Variants in PITPNM2 observed in about 807,000 individuals in gnomAD.
The protein encoded by PITPNM2 is membrane-associated phosphatidylinositol transfer protein 2.
A neutral mutation model predicts 132.2 loss-of-function variants in PITPNM2; 35 were observed. The observed-to-expected ratio is 0.26, with a 90% CI of 0.20 to 0.35. PITPNM2 has a LOEUF of 0.35. Ranked by LOEUF, PITPNM2 falls within the 10% of genes least tolerant of loss-of-function variation. The pLI is 1.00. For missense variants in PITPNM2, 1,332 were observed against 1,912.0 expected (o/e 0.70, Z 5.66); for synonymous variants, 738 against 799.2 (o/e 0.92, Z 1.29).
chr12:123,127,085 C>T (rs2043154542), intron 1 of PITPNM2, among the ~76,000 whole-genome samples: 1 of 152,212 alleles, frequency 6.6e-6, no homozygotes, highest in Non-Finnish European at 1.5e-5. Context: ...TTCATCCCTC[C>T]TCAAGTCACA....
At chr12:123,012,485 G>T in intron 5 of PITPNM2, 128 bp downstream of exon 5, 1 of 1,285,042 alleles carries the variant, frequency 7.8e-7, no homozygotes, top group Non-Finnish European at 1.1e-6. Context: ...CTCCAACTCT[G>T]ACCTGCCTGC....
intron 1 of PITPNM2, among the ~76,000 whole-genome samples, chr12:123,119,791 C>CT (rs2042999702): frequency 7.2e-6 from 1 of 139,638 alleles, no homozygotes; most frequent in African/African-American, 3.1e-5. Flanking sequence ...TTTTTCTTTT[C>CT]TTTCTTTTTT....
chr12:123,023,601 C>T lies in PITPNM2; in HGVS notation c.79-9559G>A, dbSNP rs1489701873. Among the ~76,000 whole-genome samples the T allele has an allele frequency of 2.6e-5, 4 of 152,138 alleles. No individual in the cohort carries two copies. Among genetic ancestry groups the T allele is most frequent in the South Asian group, 2.1e-4 (1 of 4,816 alleles). On this transcript the variant is annotated intron_variant, in intron 3 of 25. Coordinates refer to ENST00000320201, the MANE Select transcript of PITPNM2 (RefSeq NM_020845.3). This position sits in a 1 kb window ranked among gnomAD's most constrained non-coding sequence, Gnocchi z 4.8. Reference sequence around the variant, plus strand: ...ACAAGTCCACAGACTCCCCAGAGGACGCCACCTTCTCACTGGCTGCTGCCA... The same window carrying T: ...ACAAGTCCACAGACTCCCCAGAGGATGCCACCTTCTCACTGGCTGCTGCCA...
At chr12:123,088,615 A>C (rs1163908808) in intron 2 of PITPNM2, 1 of 152,264 alleles carries the variant, frequency 6.6e-6, no homozygotes, top group Non-Finnish European at 1.5e-5. Context: ...AACAGAAATA[A>C]GTTAAAATGA....
chr12:123,033,007 A>C (rs941634972), intron 3 of PITPNM2, among the ~76,000 whole-genome samples: 4 of 152,206 alleles, frequency 2.6e-5, no homozygotes, highest in African/African-American at 9.6e-5. Flanking sequence ...CTCTGCTGCG[A>C]GCTCACAGCT....
intron 2 of PITPNM2, among the ~76,000 whole-genome samples, chr12:123,043,925 C>T (rs1379655216): frequency 6.6e-6 from 1 of 152,204 alleles, no homozygotes; most frequent in Non-Finnish European, 1.5e-5. Flanking sequence ...AACTCAGAGC[C>T]TCCAAGATGA....
rs977993226 is a variant in PITPNM2 at position 123,095,128 on chromosome 12, C to T, written c.-96+15257G>A. ...GCTGCTGGGGATCCAAGACTCTCCA[C>T]TCCACCATCCTTGCACAGCAGGCTG... On this transcript the variant is annotated intron_variant, in intron 2 of 25. Coordinates refer to ENST00000320201, the MANE Select transcript of PITPNM2 (RefSeq NM_020845.3). This position sits in a 1 kb window ranked among gnomAD's most constrained non-coding sequence, Gnocchi z 5.0. 1.3e-5 allele frequency among the ~76,000 whole-genome samples: 2 copies of T among 152,212 alleles called. No homozygotes were observed. The highest frequency in any genetic ancestry group is 1.3e-4 in the Admixed American group (2 of 15,282).
intron 10 of PITPNM2, among the ~76,000 whole-genome samples, chr12:122,999,063 A>G (rs1036598427): frequency 6.6e-6 from 1 of 151,652 alleles, no homozygotes; most frequent in African/African-American, 2.4e-5. Context: ...GTGAGCCAAG[A>G]TCGTGCCACT....
In PITPNM2 at chr12:123,031,123, G is replaced by T. The variant is rs530757405; in HGVS notation, c.78+3390C>A. 6.6e-6 allele frequency among the ~76,000 whole-genome samples: 1 copy of T among 152,298 alleles called. No homozygotes were observed. Among genetic ancestry groups the T allele is most frequent in the South Asian group, 2.1e-4 (1 of 4,824 alleles). On this transcript the variant is annotated intron_variant, in intron 3 of 25. Transcript: ENST00000320201. This position sits in a 1 kb window ranked among gnomAD's most constrained non-coding sequence, Gnocchi z 4.5. ...CCACTGAATTGTTCACTTAAAAATGGTTGTTAATGTTTTGTGAATTTCACC... is the reference window on the plus strand; with the variant it reads ...CCACTGAATTGTTCACTTAAAAATGTTTGTTAATGTTTTGTGAATTTCACC...
intron 19 of PITPNM2, among the ~76,000 whole-genome samples, 173 bp from the exon 20 acceptor site, chr12:122,988,523 C>T (rs1476435869): frequency 2.6e-5 from 4 of 152,130 alleles, no homozygotes; most frequent in Non-Finnish European, 4.4e-5. Flanking sequence ...GTTCACCTGA[C>T]GAATGTGCAG....
intron 3 of PITPNM2, among the ~76,000 whole-genome samples, chr12:123,014,723 AAAAC>A (rs1275766268): frequency 2.0e-5 from 3 of 152,208 alleles, no homozygotes; most frequent in Non-Finnish European, 4.4e-5. Context: ...AAAACAAAAC[AAAAC>A]AAACAAAAAG....
In PITPNM2 at chr12:123,058,990, C is replaced by T. The variant is rs998116758; in HGVS notation, c.-95-24305G>A. ...AAACCATGAAGCTCAGGGCAGCACC[C>T]GCATCTGCTTCATTTCTGCATCTTC... On this transcript the variant is annotated intron_variant, in intron 2 of 25. Transcript: ENST00000320201. The surrounding 1 kb of genome is among the most constrained non-coding windows in gnomAD (Gnocchi z 4.0). 1.1e-4 allele frequency among the ~76,000 whole-genome samples: 16 copies of T among 152,180 alleles called. No individual in the cohort carries two copies. Among genetic ancestry groups the T allele is most frequent in the African/African-American group, 1.7e-4 (7 of 41,454 alleles).
intron 10 of PITPNM2, 61 bp from the exon 11 acceptor site, chr12:122,997,633 T>C: frequency 6.4e-7 from 1 of 1,571,258 alleles, no homozygotes; most frequent in Non-Finnish European, 8.7e-7. Context: ...CTGAGGCCCC[T>C]CTGTCACCCT....
chr12:123,080,311 T>C (rs549797194), intron 2 of PITPNM2, among the ~76,000 whole-genome samples: 2 of 152,146 alleles, frequency 1.3e-5, no homozygotes, highest in Admixed American at 1.3e-4. Flanking sequence ...CTCGACCTCC[T>C]GGATTCAAGT....
At chr12:123,012,923 TG>T (rs1233833935) in intron 4 of PITPNM2, among the ~76,000 whole-genome samples, 189 bp from the exon 5 acceptor site, 3 of 152,076 alleles carry the variant, frequency 2.0e-5, no homozygotes, top group African/African-American at 7.2e-5. Flanking sequence ...ACAGCCAGGA[TG>T]GGGGCAGGGA....
intron 5 of PITPNM2, among the ~76,000 whole-genome samples, chr12:123,011,068 C>T (rs968426789): frequency 6.6e-6 from 1 of 152,222 alleles, no homozygotes; most frequent in Non-Finnish European, 1.5e-5. Flanking sequence ...ATCTCAGAGC[C>T]CTCCTGTGTG....
intron 6 of PITPNM2, chr12:123,007,566 C>A (rs2038993584): frequency 1.8e-5 from 6 of 340,704 alleles, no homozygotes; most frequent in South Asian, 1.3e-4. Context: ...ACTTCCCACC[C>A]CTGGCTTTGC....
intron 2 of PITPNM2, among the ~76,000 whole-genome samples, chr12:123,065,635 C>A (rs1175744297): frequency 6.6e-6 from 1 of 152,244 alleles, no homozygotes; most frequent in Non-Finnish European, 1.5e-5. Context: ...AGGAGGCCAG[C>A]AAGCTCAGAA....
intron 16 of PITPNM2, among the ~76,000 whole-genome samples, chr12:122,991,373 G>A (rs1320344921): frequency 6.6e-6 from 1 of 152,216 alleles, no homozygotes; most frequent in Non-Finnish European, 1.5e-5. Context: ...AAGCGAAGGA[G>A]TGGGCCTTGG....
Sources: allele counts gnomAD v4.1 joint callset (sites outside exome capture counted in the v4.1 genomes callset), GRCh38; gene constraint gnomAD v4.1.1; non-coding constraint Gnocchi (gnomAD v3.1); transcripts MANE v1.5; gene names NCBI Gene and HGNC (gene_info 2026-07-23, HGNC 2026-07-21).